The following BAZ1B variants were observed in gnomAD, a reference collection of about 807,000 sequenced individuals.
BAZ1B encodes tyrosine-protein kinase BAZ1B.
In BAZ1B, 22 loss-of-function variants were observed where a neutral mutation model predicts 153.8. The ratio of observed to expected loss-of-function variants is 0.14; its 90% CI spans 0.10 to 0.20. The LOEUF is 0.20. BAZ1B is among the 10% of genes least tolerant of loss of function. BAZ1B has a pLI of 1.00. For synonymous variants in BAZ1B, 676 were observed against 633.4 expected, an observed-to-expected ratio of 1.07 and a Z score of -1.01; for missense variants, 1,325 against 1,799.3, an observed-to-expected ratio of 0.74 and a Z score of 4.77.
Position 73,450,810 on chromosome 7 carries a change from T to TA in BAZ1B, c.3580+36dup, listed in dbSNP as rs1788004690. 6.2e-7 allele frequency: 1 copy of TA among 1,608,442 alleles called. No individual in the cohort carries two copies. Among genetic ancestry groups the TA allele is most frequent in the African/African-American group, 1.3e-5 (1 of 74,822 alleles). On this transcript the variant is annotated intron_variant, in intron 14 of 19. Coordinates refer to ENST00000339594, the MANE Select transcript of BAZ1B (RefSeq NM_032408.4). This position sits in a 1 kb window ranked among gnomAD's most constrained non-coding sequence, Gnocchi z 4.1. ...TCTTGGGAATAGAAATCCTACTCCC[T>TA]AATATACCCACATAAGCAAATTTGA...
rs1267875539 is a variant in BAZ1B at position 73,476,872 on chromosome 7, C to T, written c.2589G>A (p.Met863Ile). ...KKEREIQERE[M>I]KVKLERQAEE... is the part of the protein sequence containing the mutation. ...TCTCTCAGCATGAAATTTTACCTTTCATTTCTCTTTCCTGGATTTCCCGTT... is the reference window on the plus strand; with the variant it reads ...TCTCTCAGCATGAAATTTTACCTTTTATTTCTCTTTCCTGGATTTCCCGTT... Residue 863 changes from methionine (M) to isoleucine (I), a missense_variant, in exon 7 of 20, where the codon ATG (methionine) becomes ATA (isoleucine). This residue lies in a region of BAZ1B where 431 missense variants were observed against 563.5 expected (regional missense o/e 0.76). Transcript: ENST00000339594. 7 of 1,587,066 alleles carry T rather than the reference C, an allele frequency of 4.4e-6. No homozygotes were observed. Among genetic ancestry groups the T allele is most frequent in the African/African-American group, 1.4e-5 (1 of 73,198 alleles).
At chr7:73,442,155 C>CCACT in intron 19 of BAZ1B, 26 bp downstream of exon 19, 10 of 451,978 alleles carry the variant, frequency 2.2e-5, no homozygotes, top group South Asian at 5.9e-5. Context: ...CCCTCCCTAG[C>CCACT]TGTCCCCCCA....
At chr7:73,520,324 C>T (rs532224718) in intron 1 of BAZ1B, among the ~76,000 whole-genome samples, 1 of 151,940 alleles carries the variant, frequency 6.6e-6, no homozygotes, top group Non-Finnish European at 1.5e-5. Context: ...AAAACCAGAT[C>T]ACCACCCCTC....
chr7:73,495,925 ATAAT>A (rs1169443081), intron 4 of BAZ1B, among the ~76,000 whole-genome samples: 3 of 152,212 alleles, frequency 2.0e-5, no homozygotes, highest in Non-Finnish European at 2.9e-5. Flanking sequence ...GGGTGATGAA[ATAAT>A]TAATCTATGC....
intron 17 of BAZ1B, 100 bp downstream of exon 17, chr7:73,443,884 G>T: frequency 5.7e-6 from 9 of 1,566,474 alleles, no homozygotes; most frequent in Non-Finnish European, 7.8e-6. Flanking sequence ...AGGAGGAGGG[G>T]GGAGGCTCCC....
chr7:73,462,043 A>C (rs1379875471), intron 12 of BAZ1B, among the ~76,000 whole-genome samples: 1 of 152,220 alleles, frequency 6.6e-6, no homozygotes, highest in Non-Finnish European at 1.5e-5. Context: ...CTGGGATTAT[A>C]GGCGTGAGCC....
intron 3 of BAZ1B, among the ~76,000 whole-genome samples, chr7:73,505,628 A>AG (rs1473763131): frequency 2.1e-5 from 3 of 143,738 alleles, no homozygotes; most frequent in Admixed American, 6.8e-5. Context: ...TTGTCCTGAG[A>AG]GGGAAAAAAA....
At chr7:73,479,605 G>A (rs1789124733) in intron 6 of BAZ1B, among the ~76,000 whole-genome samples, 1 of 150,872 alleles carries the variant, frequency 6.6e-6, no homozygotes, top group South Asian at 2.1e-4. Flanking sequence ...ACTCCCTCCA[G>A]TCCCACAACT....
In BAZ1B at chr7:73,441,382, T is replaced by C. The variant is rs1169948349; in HGVS notation, c.*327A>G. The C allele has an allele frequency of 2.0e-5, 3 of 152,418 alleles. No individual in the cohort carries two copies. Among genetic ancestry groups the C allele is most frequent in the Non-Finnish European group, 4.4e-5 (3 of 68,016 alleles). The allele number at this position is 152,418 out of a possible 1,614,324, so 9.4% of individuals were successfully genotyped here. Reference sequence around the variant, plus strand: ...TCTTCCTGCTTTTCTTCTGCTCCCCTAAGAGCTTGACTGGTATGTGGGTGG... The same window carrying C: ...TCTTCCTGCTTTTCTTCTGCTCCCCCAAGAGCTTGACTGGTATGTGGGTGG... On this transcript the variant is annotated 3_prime_UTR_variant, in exon 20 of 20. Coordinates refer to ENST00000339594, the MANE Select transcript of BAZ1B (RefSeq NM_032408.4).
At chr7:73,519,631 A>G (rs1301932127) in intron 1 of BAZ1B, among the ~76,000 whole-genome samples, 1 of 152,236 alleles carries the variant, frequency 6.6e-6, no homozygotes, top group African/African-American at 2.4e-5. Flanking sequence ...CTTCATATAT[A>G]TATTTCAATT....
chr7:73,443,253 T>C (rs1453020302), intron 17 of BAZ1B, among the ~76,000 whole-genome samples: 1 of 152,090 alleles, frequency 6.6e-6, no homozygotes, highest in Non-Finnish European at 1.5e-5. Context: ...GCCAATTCTG[T>C]GGGGGTGGGG....
At position 73,449,643 on chromosome 7, in the gene BAZ1B, G is replaced by A. The variant is rs782312401; in HGVS notation, c.3627C>T (p.Phe1209=). 3.1e-6 allele frequency: 5 copies of A among 1,614,112 alleles called. No homozygotes were observed. In the South Asian group the frequency reaches 4.4e-5, roughly 14 times the overall value. ...GGGCCGGCCTCAGACAAAACAGGTG[G>A]AAGGCTTTATTACACTCATCACACA... ...LILCDECNKA[F]HLFCLRPALY... Residue 1209 remains phenylalanine, a synonymous_variant, in exon 15 of 20, where the codon TTC becomes TTT. Transcript: ENST00000339594.
rs115966427 is a variant in BAZ1B, at chr7:73,480,481, T to C, written c.892-1912A>G. Among the ~76,000 whole-genome samples, 245 of 152,288 alleles carry C rather than the reference T, an allele frequency of 1.6e-3. 3 individuals carry two copies. The highest frequency in any genetic ancestry group is 5.7e-3 in the African/African-American group (238 of 41,580). Reference sequence around the variant, plus strand: ...AAAGAAAAATGCCTGGTAGCTAAAATGCAAACTAATTGAAATAACCAAGTC... The same window carrying C: ...AAAGAAAAATGCCTGGTAGCTAAAACGCAAACTAATTGAAATAACCAAGTC... On this transcript the variant is annotated intron_variant, in intron 6 of 19. Transcript: ENST00000339594.
intron 3 of BAZ1B, among the ~76,000 whole-genome samples, chr7:73,503,694 C>A (rs1790226321): frequency 6.6e-6 from 1 of 152,116 alleles, no homozygotes; most frequent in Non-Finnish European, 1.5e-5. Context: ...TCAAACATTT[C>A]TTCTTTCACC....
intron 14 of BAZ1B, among the ~76,000 whole-genome samples, chr7:73,449,994 C>T (rs1469176567): frequency 6.6e-6 from 1 of 152,042 alleles, no homozygotes; most frequent in Non-Finnish European, 1.5e-5. Context: ...AATTTTGCTG[C>T]TTTTTCGACC....
intron 7 of BAZ1B, among the ~76,000 whole-genome samples, chr7:73,470,807 C>T (rs1788774169): frequency 6.6e-6 from 1 of 152,160 alleles, no homozygotes; most frequent in Admixed American, 6.5e-5. Context: ...GCGATCTCGG[C>T]TCACTGCAAC....
At chr7:73,481,166 G>A (rs1478490265) in intron 6 of BAZ1B, among the ~76,000 whole-genome samples, 1 of 151,578 alleles carries the variant, frequency 6.6e-6, no homozygotes, top group East Asian at 2.0e-4. Flanking sequence ...CAGGTGATCT[G>A]CCCACCTCCG....
At chr7:73,462,836 T>G (rs2074755) in intron 12 of BAZ1B, 86 bp downstream of exon 12, 1 of 1,413,272 alleles carries the variant, frequency 7.1e-7, no homozygotes, top group African/African-American at 1.4e-5. Flanking sequence ...AGGAGGGTCA[T>G]GTTGGGAAGT....
chr7:73,446,586 A>C (rs1221901103), intron 16 of BAZ1B, among the ~76,000 whole-genome samples: 1 of 150,820 alleles, frequency 6.6e-6, no homozygotes, highest in Non-Finnish European at 1.5e-5. Flanking sequence ...TTTTGGAAAG[A>C]GGGAGGCTGC....
Sources: allele counts gnomAD v4.1 joint callset (sites outside exome capture counted in the v4.1 genomes callset), GRCh38; gene constraint gnomAD v4.1.1; regional missense constraint gnomAD v4.1.1; non-coding constraint Gnocchi (gnomAD v3.1); transcripts MANE v1.5; gene names NCBI Gene and HGNC (gene_info 2026-07-23, HGNC 2026-07-21).